The following RGS3 variants were observed in gnomAD, a reference collection of about 807,000 sequenced individuals.
The protein encoded by RGS3 is regulator of G protein signaling 3.
RGS3 carries 80 observed loss-of-function variants against 132.6 expected under a neutral mutation model. The ratio of observed to expected loss-of-function variants is 0.60; its 90% CI spans 0.50 to 0.73. The LOEUF (loss-of-function observed/expected upper bound fraction) is 0.73. RGS3 is among the 30% of genes least tolerant of loss of function. RGS3 has a pLI of 0.00. For synonymous variants in RGS3, 598 were observed against 620.6 expected, an observed-to-expected ratio of 0.96 and a Z score of 0.54; for missense variants, 1,382 against 1,530.8, an observed-to-expected ratio of 0.90 and a Z score of 1.62.
chr9:113,594,471 G>A lies in RGS3; in HGVS notation c.3122G>A (p.Arg1041Gln), dbSNP rs779934570. 35 of 1,613,638 alleles carry A rather than the reference G, an allele frequency of 2.2e-5. No individual in the cohort carries two copies. The highest frequency in any genetic ancestry group is 2.2e-4 in the Admixed American group (13 of 60,004). The change falls in exon 22 of 25, where the codon CGG becomes CAG. Residue 1041 changes from arginine to glutamine, a missense_variant. By Grantham distance (43) the Arg-to-Gln change is conservative. Transcript: ENST00000350696. ...AACAAGCTGGGGATCTTCAGACGGCGGAATGAGTCCCCTGGAGCCCCTCCC... is the reference window on the plus strand; with the variant it reads ...AACAAGCTGGGGATCTTCAGACGGCAGAATGAGTCCCCTGGAGCCCCTCCC...
At chr9:113,462,144 T>C in exon 3 of RGS3, 1 of 1,614,020 alleles carries the variant, frequency 6.2e-7, no homozygotes, top group Non-Finnish European at 8.5e-7. Context: ...AAGAGATGAG[T>C]GGACTCAAAC....
At chr9:113,594,805 G>T (rs1460851122) in intron 22 of RGS3, 114 bp from the exon 21 acceptor site, 3 of 1,039,238 alleles carry the variant, frequency 2.9e-6, no homozygotes, top group South Asian at 1.4e-5. Context: ...CGCCCCAGCT[G>T]GGCTCAGCTG....
At chr9:113,462,153 A>T (rs755007126) in exon 3 of RGS3, 1 of 1,614,118 alleles carries the variant, frequency 6.2e-7, no homozygotes, top group South Asian at 1.1e-5. Context: ...GTGGACTCAA[A>T]CTTCTCCAGC....
At chr9:113,561,962 G>A (rs886406946) in intron 19 of RGS3, among the ~76,000 whole-genome samples, 1 of 152,194 alleles carries the variant, frequency 6.6e-6, no homozygotes, top group Non-Finnish European at 1.5e-5. Flanking sequence ...CCTGGGAGCT[G>A]CTGCCAACCT....
rs1197370243 is a variant in RGS3, at chr9:113,462,073, TGA to T, written c.289_290del (p.Ser97LeufsTer14). ...CTCTCTACATCCTGTGGCTTGAGCC[TGA>T]GCTTGCCCATATTCCCTGGCTGGAT... is the stretch of plus-strand genomic sequence containing the variant. On this transcript the variant is annotated frameshift_variant, in exon 3 of 25. Transcript: ENST00000350696. LOFTEE classifies it high-confidence loss of function. 6.2e-7 allele frequency: 1 copy of T among 1,614,074 alleles called. No individual in the cohort carries two copies. Among genetic ancestry groups the T allele is most frequent in the East Asian group, 2.2e-5 (1 of 44,886 alleles).
intron 19 of RGS3, among the ~76,000 whole-genome samples, chr9:113,547,720 C>T (rs1406685737): frequency 6.6e-6 from 1 of 152,220 alleles, no homozygotes; most frequent in Non-Finnish European, 1.5e-5. Context: ...GGTTTGCAGT[C>T]CTTTCATTTC....
chr9:113,488,962 A>G (rs1038103112), intron 7 of RGS3, among the ~76,000 whole-genome samples: 1 of 152,246 alleles, frequency 6.6e-6, no homozygotes, highest in African/African-American at 2.4e-5. Context: ...TCTCTGAAGG[A>G]TGGACATTCA....
chr9:113,520,403 G>T (rs1203497201), intron 16 of RGS3, among the ~76,000 whole-genome samples: 2 of 152,192 alleles, frequency 1.3e-5, no homozygotes, highest in African/African-American at 4.8e-5. Flanking sequence ...ATCACTTCCT[G>T]TCTAGACCAT....
rs570431976 is a variant in RGS3, at chr9:113,566,461, A to C, written c.2038-16989A>C. ...CTATTCTTGTTCCCAGGTGTCCAGG[A>C]AGAACCCTTGAACCCTAGGACTCAG... On this transcript the variant is annotated intron_variant, in intron 19 of 24. Transcript: ENST00000350696. Among the ~76,000 whole-genome samples the C allele has an allele frequency of 1.4e-4, 22 of 152,294 alleles. No homozygotes were observed. In the Middle Eastern group the frequency reaches 0.01, roughly 71 times the overall value.
chr9:113,520,141 A>G (rs1405076406), intron 16 of RGS3, among the ~76,000 whole-genome samples: 1 of 152,230 alleles, frequency 6.6e-6, no homozygotes, highest in Non-Finnish European at 1.5e-5. Flanking sequence ...TTGGAAAATC[A>G]GATGTGTCCT....
At chr9:113,524,536 C>G (rs1832111085) in intron 17 of RGS3, among the ~76,000 whole-genome samples, 1 of 152,192 alleles carries the variant, frequency 6.6e-6, no homozygotes, top group South Asian at 2.1e-4. Flanking sequence ...CTCACACTGG[C>G]TACAATTTGG....
At chr9:113,456,862 A>G (rs112731713), upstream of RGS3, among the ~76,000 whole-genome samples, 6,243 of 152,146 alleles carry the variant, frequency 0.041, 167 homozygotes, top group South Asian at 0.1. Flanking sequence ...GTACAATGCG[A>G]TGATCTCAGC....
intron 24 of RGS3, 61 bp downstream of exon 22, chr9:113,595,826 T>C: frequency 6.4e-7 from 1 of 1,567,382 alleles, no homozygotes; most frequent in South Asian, 1.1e-5. Context: ...GCCCTTCAGC[T>C]GCAAGGTGGC....
intron 21 of RGS3, chr9:113,594,059 C>G (rs745924690): frequency 6.2e-7 from 1 of 1,612,896 alleles, no homozygotes; most frequent in Non-Finnish European, 8.5e-7. Context: ...TTTCCGCTCC[C>G]CCTCCTGGTC....
intron 16 of RGS3, among the ~76,000 whole-genome samples, chr9:113,521,380 A>T (rs1831947664): frequency 6.6e-6 from 1 of 152,252 alleles, no homozygotes; most frequent in Non-Finnish European, 1.5e-5. Context: ...TTGCAAATAT[A>T]ATACACATTA....
chr9:113,528,459 A>G (rs1832316681), intron 17 of RGS3, among the ~76,000 whole-genome samples: 1 of 152,212 alleles, frequency 6.6e-6, no homozygotes, highest in Non-Finnish European at 1.5e-5. Context: ...CAAACTCAAC[A>G]GGGCCCTCCT....
At chr9:113,548,210 C>T (rs770737454) in intron 19 of RGS3, among the ~76,000 whole-genome samples, 4 of 152,228 alleles carry the variant, frequency 2.6e-5, no homozygotes, top group South Asian at 2.1e-4. Context: ...GGCATGTAGT[C>T]GGGGACTTCT....
Position 113,463,132 on chromosome 9 carries a change from C to T in RGS3, c.415+931C>T, listed in dbSNP as rs550223174. Among the ~76,000 whole-genome samples, 161 of 152,260 alleles carry T rather than the reference C, an allele frequency of 1.1e-3. No individual in the cohort carries two copies. Among genetic ancestry groups the T allele is most frequent in the African/African-American group, 3.5e-3 (147 of 41,554 alleles). On this transcript the variant is annotated intron_variant, in intron 3 of 24. Transcript: ENST00000350696. The surrounding 1 kb of genome is among the most constrained non-coding windows in gnomAD (Gnocchi z 4.6). ...TGTCCGATGGCATCAGGCTGTGGGA[C>T]GGGGGGCCATCAGGTTGGTTGGAGC...
intron 7 of RGS3, among the ~76,000 whole-genome samples, chr9:113,489,969 A>C (rs1830457619): frequency 6.6e-6 from 1 of 152,228 alleles, no homozygotes; most frequent in Non-Finnish European, 1.5e-5. Flanking sequence ...TTAGAGAAAC[A>C]AGATGATCTA....
Sources: allele counts gnomAD v4.1 joint callset (sites outside exome capture counted in the v4.1 genomes callset), GRCh38; gene constraint gnomAD v4.1.1; non-coding constraint Gnocchi (gnomAD v3.1); transcripts MANE v1.5; gene names NCBI Gene and HGNC (gene_info 2026-07-23, HGNC 2026-07-21).